Variants in SPAG16 observed in about 807,000 individuals in gnomAD.
The protein encoded by SPAG16 is sperm-associated antigen 16 protein.
Under a neutral mutation model 80.4 loss-of-function variants are expected in SPAG16, and 86 were observed. The observed-to-expected ratio is 1.07, with a 90% CI of 0.90 to 1.28. SPAG16 has a LOEUF of 1.28. SPAG16 is among the 50% of genes most tolerant of loss of function. SPAG16 has a pLI of 0.00. For synonymous variants in SPAG16, 294 were observed against 265.9 expected, an observed-to-expected ratio of 1.11 and a Z score of -1.03; for missense variants, 870 against 765.3, an observed-to-expected ratio of 1.14 and a Z score of -1.61.
intron 10 of SPAG16, among the ~76,000 whole-genome samples, chr2:213,855,888 A>G (rs1575366097): frequency 6.6e-6 from 1 of 152,282 alleles, no homozygotes; most frequent in East Asian, 1.9e-4. Flanking sequence ...ACACAGAGCC[A>G]AACCATATCA....
At chr2:214,307,752 G>C (rs1200563152) in intron 15 of SPAG16, among the ~76,000 whole-genome samples, 3 of 152,152 alleles carry the variant, frequency 2.0e-5, no homozygotes, top group Non-Finnish European at 2.9e-5. Flanking sequence ...GCTATGGTCT[G>C]AGAGAGTGGT....
intron 10 of SPAG16, among the ~76,000 whole-genome samples, chr2:213,492,751 T>C (rs1356158687): frequency 6.6e-6 from 1 of 151,020 alleles, no homozygotes; most frequent in Non-Finnish European, 1.5e-5. Context: ...TCATTTGCCA[T>C]CAGTGGAAGG....
In SPAG16 at chr2:213,881,826, C is replaced by A. The variant is rs556131209; in HGVS notation, c.1214+19198C>A. Among the ~76,000 whole-genome samples the A allele has an allele frequency of 8.2e-4, 125 of 152,294 alleles. 1 individual carries two copies. Among genetic ancestry groups the A allele is most frequent in the African/African-American group, 2.9e-3 (120 of 41,588 alleles). On this transcript the variant is annotated intron_variant, in intron 11 of 15. Coordinates refer to ENST00000331683, the MANE Select transcript of SPAG16 (RefSeq NM_024532.5). Reference sequence around the variant, plus strand: ...GTGGAGACACAAAGCCTAACTATATCAGATGCCTTTTATTTCTTTCTCTTG... The same window carrying A: ...GTGGAGACACAAAGCCTAACTATATAAGATGCCTTTTATTTCTTTCTCTTG...
At chr2:213,417,215 C>T (rs2069310265) in intron 9 of SPAG16, among the ~76,000 whole-genome samples, 1 of 150,838 alleles carries the variant, frequency 6.6e-6, no homozygotes, top group African/African-American at 2.5e-5. Flanking sequence ...GACACACACA[C>T]ACACACAATA....
chr2:213,471,132 T>G (rs1391274110), intron 9 of SPAG16, among the ~76,000 whole-genome samples: 2 of 152,326 alleles, frequency 1.3e-5, no homozygotes, highest in East Asian at 3.9e-4. Context: ...TGTCTACTTT[T>G]GGGTGGTACC....
intron 13 of SPAG16, among the ~76,000 whole-genome samples, chr2:214,085,037 A>C (rs1490157790): frequency 2.6e-5 from 4 of 152,210 alleles, no homozygotes; most frequent in Admixed American, 6.5e-5. Flanking sequence ...CTTCACAGAA[A>C]GCAGGTGCTT....
chr2:213,767,170 A>G (rs1263728006), intron 10 of SPAG16, among the ~76,000 whole-genome samples: 2 of 152,220 alleles, frequency 1.3e-5, no homozygotes, highest in Non-Finnish European at 2.9e-5. Flanking sequence ...TAATTCATAC[A>G]TTGTTGGGCT....
chr2:214,087,914 T>G (rs1436863800), intron 13 of SPAG16, among the ~76,000 whole-genome samples: 1 of 151,980 alleles, frequency 6.6e-6, no homozygotes, highest in Non-Finnish European at 1.5e-5. Flanking sequence ...CTAAAAATAG[T>G]ATTCTGCACA....
At position 214,074,276 on chromosome 2, in the gene SPAG16, G is replaced by A. The variant is rs77067509; in HGVS notation, c.1528-33920G>A. On this transcript the variant is annotated intron_variant, in intron 13 of 15. Transcript: ENST00000331683. ...CACTAAGTCTATGGTATTCTGTCAC[G>A]GAAATCTCAACTAAGACATAAATAC... is the stretch of plus-strand genomic sequence containing the variant. Among the ~76,000 whole-genome samples the A allele has an allele frequency of 3.2e-4, 49 of 152,150 alleles. 1 individual carries two copies. In the Middle Eastern group the frequency reaches 0.01, roughly 32 times the overall value.
At chr2:213,292,679 A>ATAACAAC (rs1559377369) in intron 1 of SPAG16, among the ~76,000 whole-genome samples, 1 of 113,426 alleles carries the variant, frequency 8.8e-6, no homozygotes, top group Non-Finnish European at 2.1e-5. Flanking sequence ...AAAAAAACAA[A>ATAACAAC]AAAAACAAAA....
At chr2:214,028,286 T>G (rs2048236434) in intron 13 of SPAG16, among the ~76,000 whole-genome samples, 1 of 152,028 alleles carries the variant, frequency 6.6e-6, no homozygotes, top group Non-Finnish European at 1.5e-5. Context: ...TTAGATAGGC[T>G]CATAGAGTTT....
intron 10 of SPAG16, among the ~76,000 whole-genome samples, chr2:213,683,905 A>C (rs983680480): frequency 6.6e-6 from 1 of 152,240 alleles, no homozygotes; most frequent in African/African-American, 2.4e-5. Context: ...TTTTCTAAGT[A>C]TATGGATTAA....
At chr2:214,138,197 C>T (rs150012990) in intron 14 of SPAG16, among the ~76,000 whole-genome samples, 2,821 of 152,002 alleles carry the variant, frequency 0.019, 32 homozygotes, top group Non-Finnish European at 0.031. Context: ...ATTTTTTAGA[C>T]AAAAAATATA....
At chr2:214,069,772 C>A (rs958507709) in intron 13 of SPAG16, among the ~76,000 whole-genome samples, 16 of 151,446 alleles carry the variant, frequency 1.1e-4, no homozygotes, top group Admixed American at 3.3e-4. Flanking sequence ...TACTGAAGAA[C>A]CTAAATTTTC....
At chr2:213,464,502 T>G (rs2072568545) in intron 9 of SPAG16, among the ~76,000 whole-genome samples, 1 of 152,186 alleles carries the variant, frequency 6.6e-6, no homozygotes, top group South Asian at 2.1e-4. Flanking sequence ...TCTAATTAAT[T>G]AGTACTTCTA....
At chr2:213,985,354 A>G (rs1317538067) in intron 12 of SPAG16, among the ~76,000 whole-genome samples, 1 of 152,028 alleles carries the variant, frequency 6.6e-6, no homozygotes, top group Non-Finnish European at 1.5e-5. Context: ...TGGTAGCACA[A>G]ATTCTATGTA....
At chr2:213,782,367 T>C (rs2070047032) in intron 10 of SPAG16, among the ~76,000 whole-genome samples, 2 of 152,112 alleles carry the variant, frequency 1.3e-5, no homozygotes, top group East Asian at 3.9e-4. Context: ...CAAATATTTA[T>C]ATAGTGAGGT....
chr2:214,113,118 A>C (rs2053759073), intron 14 of SPAG16, among the ~76,000 whole-genome samples: 1 of 151,996 alleles, frequency 6.6e-6, no homozygotes, highest in African/African-American at 2.4e-5. Context: ...CTGGTTTGCA[A>C]ATTCTTAAAG....
At chr2:213,601,092 G>C (rs10185979) in intron 10 of SPAG16, among the ~76,000 whole-genome samples, 5 of 152,142 alleles carry the variant, frequency 3.3e-5, no homozygotes, top group African/African-American at 1.2e-4. Context: ...ACATAAAATG[G>C]CCTGGGACAA....
Sources: gnomAD v4.1 joint callset for allele counts (sites outside exome capture counted in the v4.1 genomes callset) on GRCh38, gnomAD v4.1.1 for gene constraint, MANE v1.5 for transcripts, NCBI Gene and HGNC (gene_info 2026-07-23, HGNC 2026-07-21) for gene names.